Variants in PDLIM3 observed in about 807,000 individuals in gnomAD.
The protein encoded by PDLIM3 is PDZ and LIM domain 3.
PDLIM3 carries 36 observed loss-of-function variants against 37.3 expected under a neutral mutation model. The ratio of observed to expected loss-of-function variants is 0.97; its 90% confidence interval spans 0.74 to 1.28. The LOEUF is 1.28. Ranked by LOEUF, PDLIM3 falls within the 50% of genes most tolerant of loss-of-function variation. The probability of loss-of-function intolerance (pLI) is 0.00; values close to 1 mark genes in which losing one functional copy is unlikely to be tolerated. For synonymous variants in PDLIM3, 174 were observed against 182.4 expected (o/e 0.95, Z 0.37); for missense variants, 454 against 485.0 (o/e 0.94, Z 0.60).
In PDLIM3 at chr4:185,533,219, A is replaced by G. The variant is rs570743456; in HGVS notation, c.93+2123T>C. ...AAGAGAGTACAATAACACACTTACAACCTCACACACTGCCTTTCAAAATGG... is the reference window on the plus strand; with the variant it reads ...AAGAGAGTACAATAACACACTTACAGCCTCACACACTGCCTTTCAAAATGG... On this transcript the variant is annotated intron_variant, in intron 1 of 7. Coordinates refer to ENST00000284767, the MANE Select transcript of PDLIM3 (RefSeq NM_014476.6). Among the ~76,000 whole-genome samples the G allele has an allele frequency of 6.6e-5, 10 of 152,298 alleles. No individual in the cohort carries two copies. The East Asian group carries it at 1.9e-3, about 29-fold the overall frequency.
rs574880066 is a variant in PDLIM3, at chr4:185,524,851, C to T, written c.245+169G>A. Among the ~76,000 whole-genome samples, 7 of 152,306 alleles carry T rather than the reference C, an allele frequency of 4.6e-5. No individual in the cohort carries two copies. The South Asian group carries it at 1.2e-3, about 27-fold the overall frequency. On this transcript the variant is annotated intron_variant, in intron 2 of 7. Coordinates refer to ENST00000284767, the MANE Select transcript of PDLIM3 (RefSeq NM_014476.6). ...CTTTTTAGAAATGATTTGTCAACAACTGCTAGATTGACTGACTTTAGTAAA... is the reference window on the plus strand; with the variant it reads ...CTTTTTAGAAATGATTTGTCAACAATTGCTAGATTGACTGACTTTAGTAAA...
At position 185,502,451 on chromosome 4, in the gene PDLIM3, C is replaced by T. The variant is rs755255012; in HGVS notation, c.938G>A (p.Arg313Gln). ...GAVVKARDKY[R>Q]HPECFVCADC... ...GGCACACACGAAGCACTCAGGGTGC[C>T]GGTACTTATCCCGCGCCTTCACCAC... Residue 313 changes from arginine (R) to glutamine (Q), a missense_variant, in exon 8 of 8, where the codon CGG (arginine) becomes CAG (glutamine). Arg to Gln is a conservative substitution (Grantham distance 43). Coordinates refer to ENST00000284767, the MANE Select transcript of PDLIM3 (RefSeq NM_014476.6). 9.3e-6 allele frequency: 15 copies of T among 1,614,034 alleles called. No individual in the cohort carries two copies. The highest frequency in any genetic ancestry group is 3.3e-5 in the Admixed American group (2 of 59,988).
chr4:185,533,403 A>T (rs2095748146), intron 1 of PDLIM3, among the ~76,000 whole-genome samples: 1 of 152,202 alleles, frequency 6.6e-6, no homozygotes, highest in Non-Finnish European at 1.5e-5. Flanking sequence ...TGTTCACTAA[A>T]GCATAAAAGT....
At chr4:185,525,522 T>C (rs1309763686) in intron 1 of PDLIM3, among the ~76,000 whole-genome samples, 2 of 152,228 alleles carry the variant, frequency 1.3e-5, no homozygotes, top group Admixed American at 6.5e-5. Context: ...TTTTACTATA[T>C]TTAGGCATCT....
intron 4 of PDLIM3, among the ~76,000 whole-genome samples, chr4:185,509,407 G>A (rs1450327076): frequency 6.6e-6 from 1 of 152,020 alleles, no homozygotes; most frequent in Admixed American, 6.5e-5. Context: ...TCTATTCCCA[G>A]GCATATTTCC....
intron 1 of PDLIM3, among the ~76,000 whole-genome samples, chr4:185,533,329 TTTA>T (rs1205437382): frequency 2.0e-5 from 3 of 152,238 alleles, no homozygotes; most frequent in African/African-American, 7.2e-5. Context: ...TGTAATACTT[TTTA>T]TTCTTTTCCT....
In PDLIM3 at chr4:185,501,995, G is replaced by C; in HGVS notation, c.*299C>G. ...CAAATATCTTGATGTTTATGTGTTT[G>C]ATGGCTGTAATATACATGTAAATTG... On this transcript the variant is annotated 3_prime_UTR_variant, in exon 8 of 8. Coordinates refer to ENST00000284767, the MANE Select transcript of PDLIM3 (RefSeq NM_014476.6). The C allele has an allele frequency of 2.3e-6, 1 of 428,060 alleles. No individual in the cohort carries two copies. The highest frequency in any genetic ancestry group is 4.3e-6 in the Non-Finnish European group (1 of 230,238). The allele number at this position is 428,060 out of a possible 1,614,324, so 26.5% of individuals were successfully genotyped here. A position where few individuals can be genotyped will look rare whatever the true frequency, so the allele number is the denominator to read the frequency against.
chr4:185,502,609 G>T, intron 7 of PDLIM3, 126 bp from the exon 8 acceptor site: 2 of 834,774 alleles, frequency 2.4e-6, no homozygotes, highest in Non-Finnish European at 4.0e-6. Context: ...GCCTCCAGCT[G>T]TGAAAGCAGG....
At position 185,519,351 on chromosome 4, in the gene PDLIM3, T is replaced by A. The variant is rs1485954616; in HGVS notation, c.330+4011A>T. 2.0e-5 allele frequency among the ~76,000 whole-genome samples: 3 copies of A among 152,326 alleles called. No individual in the cohort carries two copies. In the East Asian group the frequency reaches 5.8e-4, roughly 29 times the overall value. ...CCCAGGCTGGAGTGCAGTGGTGCGA[T>A]CTTGGCTCACTGCAACCTCCACCTC... On this transcript the variant is annotated intron_variant, in intron 3 of 7. Coordinates refer to ENST00000284767, the MANE Select transcript of PDLIM3 (RefSeq NM_014476.6).
intron 1 of PDLIM3, among the ~76,000 whole-genome samples, chr4:185,531,763 G>T (rs559221708): frequency 3.3e-5 from 5 of 151,926 alleles, no homozygotes; most frequent in African/African-American, 1.2e-4. Context: ...TGTAGATATT[G>T]GTATTTCAAT....
chr4:185,520,033 A>G (rs1263571645), intron 3 of PDLIM3, among the ~76,000 whole-genome samples: 1 of 152,254 alleles, frequency 6.6e-6, no homozygotes, highest in Non-Finnish European at 1.5e-5. Flanking sequence ...TATTACTTAG[A>G]AAAACAAAAA....
At chr4:185,527,673 TCTTAAA>T (rs2095736605) in intron 1 of PDLIM3, among the ~76,000 whole-genome samples, 1 of 152,212 alleles carries the variant, frequency 6.6e-6, no homozygotes, top group Non-Finnish European at 1.5e-5. Flanking sequence ...ATAAAAATAA[TCTTAAA>T]CTTTTAATTT....
In PDLIM3 at chr4:185,513,126, G is replaced by C. The variant is rs562170419; in HGVS notation, c.398+1144C>G. The C allele has an allele frequency of 2.9e-5, 29 of 983,522 alleles. 1 individual carries two copies. The South Asian group carries it at 1.3e-3, about 45-fold the overall frequency. 60.9% of individuals were successfully genotyped at this position (983,522 alleles called of 1,614,324 possible). On this transcript the variant is annotated intron_variant, in intron 4 of 7. Transcript: ENST00000284767. ...CATTTCTAGGTGCTGGGGGTATAAT[G>C]TTGAGCCAGTCAGACCAGGCCCCTG...
chr4:185,525,613 C>A (rs1315548549), intron 1 of PDLIM3, among the ~76,000 whole-genome samples: 1 of 152,120 alleles, frequency 6.6e-6, no homozygotes, highest in Non-Finnish European at 1.5e-5. Flanking sequence ...ACGTAAGAGG[C>A]ATGCAATGGA....
At chr4:185,532,047 G>C (rs1037917236) in intron 1 of PDLIM3, among the ~76,000 whole-genome samples, 1 of 152,070 alleles carries the variant, frequency 6.6e-6, no homozygotes. Context: ...GCAGTGAGGC[G>C]AGATCGCGCC....
chr4:185,513,997 G>C, intron 4 of PDLIM3: 1 of 1,310,096 alleles, frequency 7.6e-7, no homozygotes, highest in African/African-American at 1.5e-5. Context: ...GTTCTGGATG[G>C]GATCCCCAGA....
Position 185,506,434 on chromosome 4 carries a change from C to A in PDLIM3, c.793+88G>T, listed in dbSNP as rs2095697315. ...CAATGAAAACCAAGTTTTAGACTTT[C>A]ATTCCCAGTATGTTTGCTGTCGTCC... On this transcript the variant is annotated intron_variant, in intron 6 of 7. Coordinates refer to ENST00000284767, the MANE Select transcript of PDLIM3 (RefSeq NM_014476.6). The A allele has an allele frequency of 7.7e-6, 12 of 1,550,648 alleles. No homozygotes were observed. In the East Asian group the frequency reaches 2.7e-4, roughly 35 times the overall value.
At chr4:185,517,693 C>T (rs546298952) in intron 3 of PDLIM3, 1 of 151,088 alleles carries the variant, frequency 6.6e-6, no homozygotes, top group African/African-American at 2.4e-5. Context: ...AAAAAAAAAC[C>T]AACAACCTCT....
chr4:185,516,695 G>T (rs1376382385), intron 3 of PDLIM3: 1 of 152,172 alleles, frequency 6.6e-6, no homozygotes. Flanking sequence ...TTATGCCAGG[G>T]CAATGGGGTA....
Sources: gnomAD v4.1 joint callset for allele counts (sites outside exome capture counted in the v4.1 genomes callset) on GRCh38, gnomAD v4.1.1 for gene constraint, MANE v1.5 for transcripts, NCBI Gene and HGNC (gene_info 2026-07-23, HGNC 2026-07-21) for gene names.